The following CSMD3 variants were observed in gnomAD, a reference collection of about 807,000 sequenced individuals.
CSMD3 encodes CUB and Sushi multiple domains 3.
CSMD3 carries 177 observed loss-of-function variants against 435.2 expected under a neutral mutation model. The ratio of observed to expected loss-of-function variants is 0.41; its 90% CI spans 0.36 to 0.46. The LOEUF is 0.46. Among genes scored for constraint, CSMD3 ranks in the 20% least tolerant of loss-of-function variants. CSMD3 has a pLI of 0.34. For synonymous variants in CSMD3, 1,656 were observed against 1,520.5 expected, an observed-to-expected ratio of 1.09 and a Z score of -2.07; for missense variants, 4,265 against 4,504.6, an observed-to-expected ratio of 0.95 and a Z score of 1.52.
rs1490103001 is a variant in CSMD3 at position 112,295,968 on chromosome 8, G to C, written c.8479C>G (p.Gln2827Glu). ...TATCCATAATTTTCTCCAATGACTT[G>C]ACCATTCACAATCAGTTCTGGAATT... ...CGIPELIVNGQVIGENYGYRD... is the reference protein window; with the variant it reads ...CGIPELIVNGEVIGENYGYRD... Residue 2827 changes from glutamine (Q) to glutamate (E), a missense_variant, in exon 54 of 71, where the codon CAA becomes GAA. By Grantham distance (29) the Gln-to-Glu change is conservative. This residue lies in a region of CSMD3 where 3,255 missense variants were observed against 3,380.2 expected (regional missense o/e 0.96). Coordinates refer to ENST00000297405, the MANE Select transcript of CSMD3 (RefSeq NM_198123.2). 6.2e-7 allele frequency: 1 copy of C among 1,613,422 alleles called. No individual in the cohort carries two copies. The highest frequency in any genetic ancestry group is 8.5e-7 in the Non-Finnish European group (1 of 1,179,534).
At chr8:113,009,901 A>G (rs2086195302) in intron 6 of CSMD3, among the ~76,000 whole-genome samples, 2 of 151,770 alleles carry the variant, frequency 1.3e-5, no homozygotes, top group Non-Finnish European at 2.9e-5. Flanking sequence ...GTAATAGCAG[A>G]TGGTATTATT....
intron 3 of CSMD3, among the ~76,000 whole-genome samples, chr8:113,276,342 A>C (rs1347757984): frequency 6.6e-6 from 1 of 152,044 alleles, no homozygotes; most frequent in African/African-American, 2.4e-5. Flanking sequence ...GGAGTATAAG[A>C]TGTGTGGAGG....
At chr8:112,327,721 A>G (rs1482174744) in intron 45 of CSMD3, among the ~76,000 whole-genome samples, 1 of 152,232 alleles carries the variant, frequency 6.6e-6, no homozygotes, top group Non-Finnish European at 1.5e-5. Flanking sequence ...ACATGAGAGC[A>G]TCGTATTCCA....
chr8:112,550,162 T>C (rs1827551962), intron 27 of CSMD3, among the ~76,000 whole-genome samples: 1 of 152,054 alleles, frequency 6.6e-6, no homozygotes, highest in Non-Finnish European at 1.5e-5. Context: ...TGCTATTTCA[T>C]TGTCATATTA....
At chr8:113,161,451 AT>A (rs2092037490) in intron 4 of CSMD3, among the ~76,000 whole-genome samples, 1 of 152,098 alleles carries the variant, frequency 6.6e-6, no homozygotes, top group African/African-American at 2.4e-5. Flanking sequence ...AAATAAGGTC[AT>A]TTTTGTGTTA....
chr8:112,982,822 T>G (rs1028838675), intron 6 of CSMD3, among the ~76,000 whole-genome samples: 6 of 151,994 alleles, frequency 3.9e-5, no homozygotes, highest in Admixed American at 2.0e-4. Context: ...AGTTTTGTAT[T>G]TAATTAATAC....
At chr8:113,377,012 AG>A (rs2133084508) in intron 1 of CSMD3, 1 of 385,422 alleles carries the variant, frequency 2.6e-6, no homozygotes, top group South Asian at 5.2e-5. Flanking sequence ...CACATCTTCT[AG>A]GGAGTGGGGT....
intron 35 of CSMD3, among the ~76,000 whole-genome samples, chr8:112,401,258 A>G (rs1211741565): frequency 6.6e-6 from 1 of 152,044 alleles, no homozygotes; most frequent in African/African-American, 2.4e-5. Flanking sequence ...TCTCTATTCT[A>G]TGTTTCACAA....
At chr8:112,572,447 T>C (rs1413813823) in intron 24 of CSMD3, among the ~76,000 whole-genome samples, 1 of 152,086 alleles carries the variant, frequency 6.6e-6, no homozygotes, top group Non-Finnish European at 1.5e-5. Context: ...TACTATTTCT[T>C]ATACCATTAA....
chr8:112,783,849 A>C (rs1371941451), intron 13 of CSMD3, among the ~76,000 whole-genome samples: 1 of 152,020 alleles, frequency 6.6e-6, no homozygotes, highest in Non-Finnish European at 1.5e-5. Flanking sequence ...AAAGAGACAA[A>C]GAAGGTCAAT....
intron 42 of CSMD3, among the ~76,000 whole-genome samples, chr8:112,338,659 C>G (rs1824802543): frequency 6.6e-6 from 1 of 152,066 alleles, no homozygotes; most frequent in African/African-American, 2.4e-5. Context: ...TACAATATAA[C>G]TCAAATTTTT....
chr8:113,240,964 T>G (rs557080246), intron 3 of CSMD3, among the ~76,000 whole-genome samples: 50 of 152,230 alleles, frequency 3.3e-4, no homozygotes, highest in African/African-American at 1.1e-3. Context: ...CTGGGGATAA[T>G]AAGAAATATA....
At chr8:113,427,084 C>G (rs2094639991) in intron 1 of CSMD3, among the ~76,000 whole-genome samples, 1 of 151,070 alleles carries the variant, frequency 6.6e-6, no homozygotes. Flanking sequence ...GAAAATATAA[C>G]AACAAATAAA....
At chr8:112,265,884 C>G (rs968434185) in intron 59 of CSMD3, among the ~76,000 whole-genome samples, 1 of 151,978 alleles carries the variant, frequency 6.6e-6, no homozygotes, top group Non-Finnish European at 1.5e-5. Context: ...CTCTTCTAAC[C>G]TTCACTATAA....
At chr8:112,731,229 A>C (rs944199603) in intron 13 of CSMD3, among the ~76,000 whole-genome samples, 1 of 152,166 alleles carries the variant, frequency 6.6e-6, no homozygotes, top group African/African-American at 2.4e-5. Flanking sequence ...AAGGAAAGTA[A>C]GTGCAACAAA....
intron 28 of CSMD3, among the ~76,000 whole-genome samples, chr8:112,514,553 T>A (rs1823478494): frequency 6.6e-6 from 1 of 152,132 alleles, no homozygotes; most frequent in Non-Finnish European, 1.5e-5. Context: ...TCTTTCTATC[T>A]CAAAAGCCCA....
intron 45 of CSMD3, among the ~76,000 whole-genome samples, chr8:112,325,740 T>C (rs1328750506): frequency 1.3e-5 from 2 of 152,076 alleles, no homozygotes; most frequent in African/African-American, 4.8e-5. Context: ...AGTAAGGACA[T>C]AGTCTAGACT....
chr8:112,742,463 G>A (rs544787337), intron 13 of CSMD3, among the ~76,000 whole-genome samples: 1 of 151,976 alleles, frequency 6.6e-6, no homozygotes, highest in South Asian at 2.1e-4. Context: ...AAAGCTGTAA[G>A]GCTCTTTTTT....
Position 112,752,900 on chromosome 8 carries a change from C to CGTGT in CSMD3, c.1972+47258_1972+47261dup, listed in dbSNP as rs10617885. Among the ~76,000 whole-genome samples, 1,040 of 146,560 alleles carry CGTGT rather than the reference C, an allele frequency of 7.1e-3. 13 individuals are homozygous for CGTGT. Among genetic ancestry groups the CGTGT allele is most frequent in the East Asian group, 0.018 (91 of 4,954 alleles). On this transcript the variant is annotated intron_variant, in intron 13 of 70. Coordinates refer to ENST00000297405, the MANE Select transcript of CSMD3 (RefSeq NM_198123.2). ...CTAAGCCCTTCAGTATTTGTTACCG[C>CGTGT]GTGTGTGTGTGTGTGTGTGTGTGTG...
Sources: gnomAD v4.1 joint callset for allele counts (sites outside exome capture counted in the v4.1 genomes callset) on GRCh38, gnomAD v4.1.1 for gene constraint, gnomAD v4.1.1 regional missense constraint, MANE v1.5 for transcripts, NCBI Gene and HGNC (gene_info 2026-07-23, HGNC 2026-07-21) for gene names.